The following KCNQ5 variants were observed in gnomAD, a reference collection of about 807,000 sequenced individuals.
KCNQ5 encodes the protein potassium voltage-gated channel subfamily KQT member 5.
A neutral mutation model predicts 98.2 loss-of-function variants in KCNQ5; 30 were observed. That is an observed-to-expected ratio of 0.31 (90% confidence interval 0.23 to 0.41). The LOEUF (loss-of-function observed/expected upper bound fraction) is 0.41, where lower values mean the gene tolerates loss of function less well. Ranked by LOEUF, KCNQ5 falls within the 10% of genes least tolerant of loss-of-function variation. The probability of loss-of-function intolerance (pLI) is 1.00; values close to 1 mark genes in which losing one functional copy is unlikely to be tolerated. For synonymous variants in KCNQ5, 458 were observed against 449.4 expected (o/e 1.02, Z -0.24); for missense variants, 835 against 1,182.5 (o/e 0.71, Z 4.31).
At chr6:73,188,319 TGAA>T (rs1357929074) in intron 11 of KCNQ5, among the ~76,000 whole-genome samples, 1 of 152,222 alleles carries the variant, frequency 6.6e-6, no homozygotes, top group African/African-American at 2.4e-5. Flanking sequence ...CAAGTGCTAT[TGAA>T]GACATACAAA....
intron 11 of KCNQ5, among the ~76,000 whole-genome samples, chr6:73,187,313 C>T (rs1378393340): frequency 6.6e-6 from 1 of 152,278 alleles, no homozygotes; most frequent in Non-Finnish European, 1.5e-5. Flanking sequence ...CCCGCCTCGG[C>T]CTCCCAAAGT....
At chr6:72,783,207 T>C (rs752028721) in intron 1 of KCNQ5, among the ~76,000 whole-genome samples, 15 of 152,164 alleles carry the variant, frequency 9.9e-5, no homozygotes, top group Non-Finnish European at 2.2e-4. Context: ...TGGAGGGGGT[T>C]ATGTAAGCTG....
chr6:72,736,498 A>ATTTTTTTTTTTTTTT (rs556225458), intron 1 of KCNQ5, among the ~76,000 whole-genome samples: 1 of 112,694 alleles, frequency 8.9e-6, no homozygotes, highest in African/African-American at 5.4e-5. Context: ...GTAAAAAAAG[A>ATTTTTTTTTTTTTTT]TTTCTTTTTT....
chr6:72,646,634 A>C (rs1446381924), intron 1 of KCNQ5, among the ~76,000 whole-genome samples: 1 of 152,164 alleles, frequency 6.6e-6, no homozygotes, highest in Non-Finnish European at 1.5e-5. Flanking sequence ...TGGCTGATAT[A>C]TGTTCTGCCA....
chr6:72,652,206 G>A (rs1765909178), intron 1 of KCNQ5, among the ~76,000 whole-genome samples: 1 of 148,816 alleles, frequency 6.7e-6, no homozygotes, highest in Non-Finnish European at 1.5e-5. Context: ...ATTCTGTAAT[G>A]TGTAGGCAAC....
intron 10 of KCNQ5, among the ~76,000 whole-genome samples, chr6:73,139,283 G>A (rs935464618): frequency 6.6e-5 from 10 of 152,140 alleles, no homozygotes; most frequent in East Asian, 5.8e-4. Context: ...GGATGGGACC[G>A]CCATCATTGG....
In KCNQ5 at chr6:73,194,595, T is replaced by C. The variant is rs779467171; in HGVS notation, c.1980T>C (p.Pro660=). The change falls in exon 14 of 14, where the codon CCT becomes CCC. Residue 660 remains proline, a synonymous_variant. Coordinates refer to ENST00000370398, the MANE Select transcript of KCNQ5 (RefSeq NM_019842.4). ...ECEQTSDYQS[P]VDSKDLSGSA... ...AACAGACATCTGACTATCAAAGCCC[T>C]GTGGATAGCAAAGATCTTTCGGGTT... 1 of 1,614,230 alleles carries C rather than the reference T, an allele frequency of 6.2e-7. No homozygotes were observed. The highest frequency in any genetic ancestry group is 1.7e-5 in the Admixed American group (1 of 60,030).
rs574600474 is a variant in KCNQ5, at chr6:72,923,783, G to T, written c.399-80125G>T. On this transcript the variant is annotated intron_variant, in intron 1 of 13. Transcript: ENST00000370398. ...CAGTGTTTAGCTCCCACTTATAAGT[G>T]AGAACACACAGTATTTGGTTTTTTG... Among the ~76,000 whole-genome samples the T allele has an allele frequency of 1.1e-3, 175 of 152,286 alleles. 2 individuals carry two copies. Among genetic ancestry groups the T allele is most frequent in the African/African-American group, 4.2e-3 (174 of 41,570 alleles).
At position 73,008,833 on chromosome 6, in the gene KCNQ5, T is replaced by C. The variant is rs1463915647; in HGVS notation, c.489+4835T>C. On this transcript the variant is annotated intron_variant, in intron 2 of 13. Transcript: ENST00000370398. ...TTCTTATGTTATTCATATGCCATTA[T>C]GTTAGCCCGCAAGTTAAGTCTCAAC... Among the ~76,000 whole-genome samples, 3 of 152,218 alleles carry C rather than the reference T, an allele frequency of 2.0e-5. No individual in the cohort carries two copies. The East Asian group carries it at 5.8e-4, about 29-fold the overall frequency.
intron 1 of KCNQ5, among the ~76,000 whole-genome samples, chr6:72,988,129 A>T (rs1344518477): frequency 6.6e-6 from 1 of 152,198 alleles, no homozygotes; most frequent in Non-Finnish European, 1.5e-5. Flanking sequence ...CCTGTTTGAG[A>T]CATCAATGTG....
intron 1 of KCNQ5, among the ~76,000 whole-genome samples, chr6:72,874,496 T>G (rs1200822101): frequency 7.2e-5 from 11 of 152,172 alleles, no homozygotes; most frequent in Admixed American, 7.2e-4. Flanking sequence ...TTATTTTCAC[T>G]TTAATCACTG....
At chr6:72,825,810 G>A (rs1775968698) in intron 1 of KCNQ5, among the ~76,000 whole-genome samples, 2 of 152,122 alleles carry the variant, frequency 1.3e-5, no homozygotes, top group Admixed American at 1.3e-4. Flanking sequence ...TCAAATGAAT[G>A]AATGATGAAT....
chr6:72,970,927 G>A (rs1331580404), intron 1 of KCNQ5, among the ~76,000 whole-genome samples: 2 of 152,026 alleles, frequency 1.3e-5, no homozygotes, highest in African/African-American at 2.4e-5. Flanking sequence ...ACCATTCAGG[G>A]CATAGGCATG....
chr6:73,145,965 G>C (rs534517922), intron 10 of KCNQ5, among the ~76,000 whole-genome samples: 1 of 152,150 alleles, frequency 6.6e-6, no homozygotes, highest in African/African-American at 2.4e-5. Context: ...GAAGGGGGAA[G>C]TGCCACACTT....
At chr6:72,816,290 G>A (rs1443110144) in intron 1 of KCNQ5, among the ~76,000 whole-genome samples, 3 of 152,168 alleles carry the variant, frequency 2.0e-5, no homozygotes, top group African/African-American at 7.2e-5. Context: ...AAAGATTAAG[G>A]CATGAACAGG....
chr6:73,166,489 C>G (rs1203846696), intron 10 of KCNQ5, among the ~76,000 whole-genome samples: 1 of 145,668 alleles, frequency 6.9e-6, no homozygotes, highest in Non-Finnish European at 1.5e-5. Flanking sequence ...AATTAAAGTT[C>G]TTGGCACATA....
intron 10 of KCNQ5, among the ~76,000 whole-genome samples, chr6:73,169,284 G>A (rs1477677017): frequency 6.6e-6 from 1 of 152,138 alleles, no homozygotes; most frequent in East Asian, 1.9e-4. Context: ...AGCATTCTTG[G>A]CTCCGGCTAC....
In KCNQ5 at chr6:72,671,725, A is replaced by C. The variant is rs536161070; in HGVS notation, c.398+49138A>C. Among the ~76,000 whole-genome samples, 3 of 152,322 alleles carry C rather than the reference A, an allele frequency of 2.0e-5. No individual in the cohort carries two copies. In the East Asian group the frequency reaches 5.8e-4, roughly 29 times the overall value. ...AACCTAGTTCATGATAGCAGAGTAC[A>C]TGGGCATGCAGATTCTTGGCAGGAA... is the stretch of plus-strand genomic sequence containing the variant. On this transcript the variant is annotated intron_variant, in intron 1 of 13. Transcript: ENST00000370398.
At chr6:72,960,616 C>T (rs1245468940) in intron 1 of KCNQ5, among the ~76,000 whole-genome samples, 4 of 152,046 alleles carry the variant, frequency 2.6e-5, no homozygotes, top group Non-Finnish European at 4.4e-5. Flanking sequence ...TTAGTAGAGA[C>T]GGTGTTTCAC....
Sources: gnomAD v4.1 joint callset for allele counts (sites outside exome capture counted in the v4.1 genomes callset) on GRCh38, gnomAD v4.1.1 for gene constraint, MANE v1.5 for transcripts, NCBI Gene and HGNC (gene_info 2026-07-23, HGNC 2026-07-21) for gene names.